NPSR1: variants seen among roughly 807,000 people sequenced by gnomAD.
NPSR1 encodes neuropeptide S receptor.
In NPSR1, 48 loss-of-function variants were observed where a neutral mutation model predicts 46.9. The ratio of observed to expected loss-of-function variants is 1.02; its 90% CI spans 0.81 to 1.30. NPSR1 has a LOEUF of 1.30. Among genes scored for constraint, NPSR1 ranks in the 50% most tolerant of loss-of-function variants. NPSR1 has a pLI of 0.00. For missense variants in NPSR1, 450 were observed against 449.5 expected, an observed-to-expected ratio of 1.00 and a Z score of -0.01; for synonymous variants, 176 against 168.1, an observed-to-expected ratio of 1.05 and a Z score of -0.36.
chr7:34,664,391 C>A (rs866850378), intron 1 of NPSR1, among the ~76,000 whole-genome samples: 4 of 152,108 alleles, frequency 2.6e-5, no homozygotes, highest in African/African-American at 4.8e-5. Context: ...CAGCAAGCGG[C>A]CCCCAGGAGT....
At chr7:34,837,422 T>C (rs10246825) in intron 6 of NPSR1, among the ~76,000 whole-genome samples, 48,029 of 152,144 alleles carry the variant, frequency 0.32, 7,951 homozygotes, top group Middle Eastern at 0.41. Context: ...GAGGGACAGA[T>C]GGAGCAGCTC....
intron 2 of NPSR1, among the ~76,000 whole-genome samples, chr7:34,686,357 T>G (rs1041670854): frequency 2.6e-5 from 4 of 152,170 alleles, no homozygotes; most frequent in African/African-American, 9.6e-5. Context: ...AGACTGAAGC[T>G]CAATGGTCTG....
At chr7:34,735,436 C>T (rs1784624605) in intron 2 of NPSR1, among the ~76,000 whole-genome samples, 1 of 112,556 alleles carries the variant, frequency 8.9e-6, no homozygotes, top group Non-Finnish European at 2.2e-5. Context: ...CCCTCTTCCC[C>T]TCCTCTGTTT....
At chr7:34,699,304 A>G (rs1215483469) in intron 2 of NPSR1, among the ~76,000 whole-genome samples, 1 of 152,190 alleles carries the variant, frequency 6.6e-6, no homozygotes, top group Admixed American at 6.5e-5. Context: ...ACATAGTGAG[A>G]CCCTGTCTCT....
chr7:34,721,088 AG>A (rs889161517), intron 2 of NPSR1, among the ~76,000 whole-genome samples: 1 of 152,220 alleles, frequency 6.6e-6, no homozygotes, highest in African/African-American at 2.4e-5. Flanking sequence ...AAATAGGAAC[AG>A]TGGCATAAGC....
At chr7:34,859,232 C>G (rs531270825) in intron 8 of NPSR1, among the ~76,000 whole-genome samples, 1 of 151,888 alleles carries the variant, frequency 6.6e-6, no homozygotes, top group African/African-American at 2.4e-5. Flanking sequence ...GCAGAAATGA[C>G]TTGGCCCCTC....
chr7:34,791,375 C>A (rs1787872218), intron 3 of NPSR1, among the ~76,000 whole-genome samples: 1 of 147,382 alleles, frequency 6.8e-6, no homozygotes, highest in African/African-American at 2.5e-5. Context: ...ACTATAGTTG[C>A]AGGATACAAA....
chr7:34,689,630 A>AAAAAAG (rs1793139021), intron 2 of NPSR1, among the ~76,000 whole-genome samples: 2 of 145,454 alleles, frequency 1.4e-5, no homozygotes, highest in Non-Finnish European at 3.0e-5. Flanking sequence ...AAAAAAAAAA[A>AAAAAAG]AAAAGAAAAG....
downstream of NPSR1, among the ~76,000 whole-genome samples, chr7:34,853,249 A>G (rs757252669): frequency 3.3e-5 from 5 of 152,230 alleles, no homozygotes; most frequent in Non-Finnish European, 7.3e-5. Flanking sequence ...AAAGGAAAAC[A>G]AAAATATCTT....
chr7:34,705,846 G>A lies in NPSR1; in HGVS notation c.280+21162G>A, dbSNP rs187532309. Among the ~76,000 whole-genome samples, 242 of 151,744 alleles carry A rather than the reference G, an allele frequency of 1.6e-3. 1 individual carries two copies. The highest frequency in any genetic ancestry group is 0.011 in the South Asian group (55 of 4,794). ...TCAATGTGTATTTCTATATTTGAGT[G>A]TTTCAATACTTATCAAGAGTTTTCT... On this transcript the variant is annotated intron_variant, in intron 2 of 8. Transcript: ENST00000360581.
At chr7:34,701,011 C>A (rs1793800648) in intron 2 of NPSR1, among the ~76,000 whole-genome samples, 2 of 152,192 alleles carry the variant, frequency 1.3e-5, no homozygotes, top group African/African-American at 2.4e-5. Context: ...TCACTGCAAA[C>A]CTCTTTCCTT....
At chr7:34,693,856 AAT>A (rs1190287066) in intron 2 of NPSR1, among the ~76,000 whole-genome samples, 1 of 152,234 alleles carries the variant, frequency 6.6e-6, no homozygotes, top group Non-Finnish European at 1.5e-5. Flanking sequence ...TATGCAAATC[AAT>A]AAAATCAATA....
At chr7:34,715,476 T>C (rs924970043) in intron 2 of NPSR1, among the ~76,000 whole-genome samples, 1 of 152,200 alleles carries the variant, frequency 6.6e-6, no homozygotes, top group African/African-American at 2.4e-5. Flanking sequence ...TATCTTAAAC[T>C]TGTGGCAGAA....
At chr7:34,812,743 T>A (rs1237975933) in intron 4 of NPSR1, among the ~76,000 whole-genome samples, 1 of 152,206 alleles carries the variant, frequency 6.6e-6, no homozygotes, top group Non-Finnish European at 1.5e-5. Context: ...TAGCAACCTG[T>A]TCTCCCTTCC....
intron 2 of NPSR1, among the ~76,000 whole-genome samples, chr7:34,701,236 C>A (rs183307889): frequency 1.3e-5 from 2 of 152,308 alleles, no homozygotes; most frequent in Admixed American, 1.3e-4. Flanking sequence ...ACTCAGCTGC[C>A]TAAAAACAGA....
chr7:34,681,533 A>G (rs545052144), intron 1 of NPSR1, among the ~76,000 whole-genome samples: 11 of 152,300 alleles, frequency 7.2e-5, no homozygotes, highest in African/African-American at 2.6e-4. Flanking sequence ...CGGAAGAGAT[A>G]GATAGCACCT....
intron 5 of NPSR1, among the ~76,000 whole-genome samples, chr7:34,829,686 C>T (rs1291578543): frequency 6.6e-6 from 1 of 152,182 alleles, no homozygotes; most frequent in African/African-American, 2.4e-5. Context: ...TATGATTTCC[C>T]CATTAATTTG....
In NPSR1 at chr7:34,864,438, T is replaced by A. The variant is rs547196479; in HGVS notation, c.1026-13638T>A. On this transcript the variant is annotated intron_variant, in intron 8 of 8. Coordinates refer to the NPSR1 transcript ENST00000359791. Reference sequence around the variant, plus strand: ...ATACCAATTACAAGATGTTCCAAATTTGAATATAAACTCCTTCTCATCATG... The same window carrying A: ...ATACCAATTACAAGATGTTCCAAATATGAATATAAACTCCTTCTCATCATG... Among the ~76,000 whole-genome samples, 89 of 151,622 alleles carry A rather than the reference T, an allele frequency of 5.9e-4. 1 individual carries two copies. Among genetic ancestry groups the A allele is most frequent in the Non-Finnish European group, 2.9e-5 (2 of 67,992 alleles).
At chr7:34,782,206 T>A (rs1465535705) in intron 3 of NPSR1, among the ~76,000 whole-genome samples, 1 of 152,108 alleles carries the variant, frequency 6.6e-6, no homozygotes, top group East Asian at 1.9e-4. Context: ...GTCATTACCA[T>A]TCTAATCCCA....
Sources: allele counts gnomAD v4.1 joint callset (sites outside exome capture counted in the v4.1 genomes callset), GRCh38; gene constraint gnomAD v4.1.1; transcripts MANE v1.5; gene names NCBI Gene and HGNC (gene_info 2026-07-23, HGNC 2026-07-21).